PROS1: variants seen among roughly 807,000 people sequenced by gnomAD.
PROS1 encodes protein S.
In PROS1, 29 loss-of-function variants were observed where a neutral mutation model predicts 75.9. The ratio of observed to expected loss-of-function variants is 0.38; its 90% CI spans 0.28 to 0.52. PROS1 has a LOEUF of 0.52. Among genes scored for constraint, PROS1 ranks in the 20% least tolerant of loss-of-function variants. The pLI, the probability that PROS1 is intolerant of heterozygous loss-of-function variation, is 0.83. For synonymous variants in PROS1, 245 were observed against 280.6 expected, an observed-to-expected ratio of 0.87 and a Z score of 1.27; for missense variants, 680 against 810.3, an observed-to-expected ratio of 0.84 and a Z score of 1.95.
intron 9 of PROS1, among the ~76,000 whole-genome samples, chr3:93,896,081 G>A (rs1024031512): frequency 1.3e-5 from 2 of 152,066 alleles, no homozygotes; most frequent in Admixed American, 6.6e-5. Context: ...ATCTAAGTAC[G>A]ATAATAATGG....
At chr3:93,887,529 T>C (rs898929103) in intron 10 of PROS1, among the ~76,000 whole-genome samples, 4 of 152,102 alleles carry the variant, frequency 2.6e-5, no homozygotes, top group Non-Finnish European at 4.4e-5. Context: ...AGCCAAACAA[T>C]AAGCATATTA....
chr3:93,959,254 C>T (rs557633616), intron 1 of PROS1, among the ~76,000 whole-genome samples: 62 of 152,040 alleles, frequency 4.1e-4, no homozygotes, highest in African/African-American at 1.2e-3. Context: ...GTCGAGGCTG[C>T]GATGAGCTGT....
intron 1 of PROS1, among the ~76,000 whole-genome samples, chr3:93,972,853 A>G (rs1007432179): frequency 4.6e-5 from 7 of 152,172 alleles, no homozygotes; most frequent in Non-Finnish European, 1.0e-4. Flanking sequence ...ACCCTCAAAC[A>G]AACAAACAAA....
chr3:93,930,001 A>G (rs1709081840), intron 1 of PROS1, among the ~76,000 whole-genome samples: 1 of 152,208 alleles, frequency 6.6e-6, no homozygotes, highest in Non-Finnish European at 1.5e-5. Flanking sequence ...AAGCAAAAAG[A>G]TTTATCAACA....
chr3:93,925,773 T>C (rs1276041248), intron 2 of PROS1, among the ~76,000 whole-genome samples: 1 of 144,838 alleles, frequency 6.9e-6, no homozygotes, highest in African/African-American at 2.6e-5. Flanking sequence ...CAGTGAACCA[T>C]GATCATGCCA....
intron 11 of PROS1, 66 bp from the exon 12 acceptor site, chr3:93,884,962 T>C (rs1336891202): frequency 3.0e-6 from 4 of 1,318,106 alleles, no homozygotes; most frequent in Middle Eastern, 2.1e-4. Context: ...ATTATGAGTA[T>C]AGGTTTTCAT....
chr3:93,961,219 G>C (rs987457422), intron 1 of PROS1, among the ~76,000 whole-genome samples: 1 of 152,194 alleles, frequency 6.6e-6, no homozygotes. Flanking sequence ...AGAAGGGACA[G>C]AGAATGGTCC....
At chr3:93,948,821 C>G (rs1709445695) in intron 1 of PROS1, among the ~76,000 whole-genome samples, 1 of 152,076 alleles carries the variant, frequency 6.6e-6, no homozygotes, top group Non-Finnish European at 1.5e-5. Flanking sequence ...TAAAAGATAC[C>G]TTCCATGACT....
chr3:93,939,911 A>G (rs530123068), intron 1 of PROS1, among the ~76,000 whole-genome samples: 115 of 150,662 alleles, frequency 7.6e-4, no homozygotes, highest in African/African-American at 2.8e-3. Context: ...GGCATACAAT[A>G]ATAGAGTTAG....
chr3:93,914,727 A>G (rs766863545), intron 3 of PROS1, among the ~76,000 whole-genome samples: 1 of 152,062 alleles, frequency 6.6e-6, no homozygotes, highest in Non-Finnish European at 1.5e-5. Flanking sequence ...TTACATGTAT[A>G]AGTAAGTTCT....
intron 1 of PROS1, among the ~76,000 whole-genome samples, chr3:93,934,878 C>T (rs909556738): frequency 3.3e-5 from 5 of 151,616 alleles, no homozygotes; most frequent in African/African-American, 1.2e-4. Flanking sequence ...AGAAGTGAAA[C>T]GGACCTCTCC....
chr3:93,896,281 C>T (rs911915375), intron 9 of PROS1, among the ~76,000 whole-genome samples: 1 of 152,066 alleles, frequency 6.6e-6, no homozygotes, highest in African/African-American at 2.4e-5. Flanking sequence ...TACATTAAAT[C>T]TACTTTCCCA....
At chr3:93,961,461 A>C (rs1709705012) in intron 1 of PROS1, among the ~76,000 whole-genome samples, 1 of 152,226 alleles carries the variant, frequency 6.6e-6, no homozygotes, top group Admixed American at 6.5e-5. Flanking sequence ...TCAATCCTAC[A>C]CTTGTGAGGA....
chr3:93,945,334 C>G (rs1016768961), intron 1 of PROS1, among the ~76,000 whole-genome samples: 9 of 152,126 alleles, frequency 5.9e-5, no homozygotes, highest in African/African-American at 1.7e-4. Flanking sequence ...GATACCAAAG[C>G]CTGGCAGAGA....
At chr3:93,953,865 C>A (rs1709552070) in intron 1 of PROS1, among the ~76,000 whole-genome samples, 2 of 152,254 alleles carry the variant, frequency 1.3e-5, no homozygotes, top group East Asian at 3.9e-4. Flanking sequence ...AGCTGATAAG[C>A]AACTTCAGCA....
At chr3:93,892,062 G>C (rs1395573851) in intron 10 of PROS1, among the ~76,000 whole-genome samples, 1 of 152,132 alleles carries the variant, frequency 6.6e-6, no homozygotes, top group Admixed American at 6.5e-5. Context: ...GGGTGTGGTT[G>C]CTCACTCTTG....
intron 2 of PROS1, among the ~76,000 whole-genome samples, chr3:93,926,321 CTT>C (rs1709015980): frequency 6.6e-6 from 1 of 152,108 alleles, no homozygotes; most frequent in South Asian, 2.1e-4. Flanking sequence ...ACAATTGTGA[CTT>C]AAAATCTTTC....
At chr3:93,925,332 T>C (rs1471097481) in intron 2 of PROS1, among the ~76,000 whole-genome samples, 1 of 152,138 alleles carries the variant, frequency 6.6e-6, no homozygotes, top group South Asian at 2.1e-4. Context: ...TCTTTCCTCC[T>C]CTCATATAAA....
chr3:93,910,488 C>A, intron 4 of PROS1, 131 bp downstream of exon 4: 3 of 766,694 alleles, frequency 3.9e-6, no homozygotes, highest in Non-Finnish European at 6.8e-6. Flanking sequence ...TTTGAAAATA[C>A]TTCCTTGCTG....
Sources: allele counts gnomAD v4.1 joint callset (sites outside exome capture counted in the v4.1 genomes callset), GRCh38; gene constraint gnomAD v4.1.1; transcripts MANE v1.5; gene names NCBI Gene and HGNC (gene_info 2026-07-23, HGNC 2026-07-21).